UNC5D: variants seen among roughly 807,000 people sequenced by gnomAD.
UNC5D encodes the protein unc-5 netrin receptor D.
UNC5D carries 39 observed loss-of-function variants against 105.4 expected under a neutral mutation model. That is an observed-to-expected ratio of 0.37 (90% CI 0.29 to 0.48). The LOEUF (loss-of-function observed/expected upper bound fraction) is 0.48, where lower values mean the gene tolerates loss of function less well. UNC5D is among the 20% of genes least tolerant of loss of function. The pLI is 0.98. For synonymous variants in UNC5D, 452 were observed against 450.4 expected, an observed-to-expected ratio of 1.00 and a Z score of -0.04; for missense variants, 991 against 1,202.4, an observed-to-expected ratio of 0.82 and a Z score of 2.60.
intron 1 of UNC5D, among the ~76,000 whole-genome samples, chr8:35,248,992 T>G (rs372175230): frequency 1.2e-5 from 1 of 80,160 alleles, no homozygotes; most frequent in Admixed American, 2.3e-4. Flanking sequence ...TATAATATAT[T>G]ATATATAAAC....
At chr8:35,585,342 A>G (rs534678601) in intron 3 of UNC5D, among the ~76,000 whole-genome samples, 1 of 152,160 alleles carries the variant, frequency 6.6e-6, no homozygotes, top group African/African-American at 2.4e-5. Flanking sequence ...TAAGCAGAGA[A>G]TGCTCAGTGC....
intron 1 of UNC5D, among the ~76,000 whole-genome samples, chr8:35,375,235 ACT>A (rs1802631851): frequency 1.3e-5 from 2 of 152,152 alleles, no homozygotes; most frequent in South Asian, 4.1e-4. Context: ...TCTGTGTAAG[ACT>A]CTGTCTGCAG....
chr8:35,621,186 G>A (rs897565503), intron 4 of UNC5D, among the ~76,000 whole-genome samples: 1 of 152,154 alleles, frequency 6.6e-6, no homozygotes, highest in Non-Finnish European at 1.5e-5. Flanking sequence ...TCATTAAGAT[G>A]CTCTCTACAG....
intron 15 of UNC5D, among the ~76,000 whole-genome samples, chr8:35,771,720 G>A (rs7818053): frequency 0.085 from 13,008 of 152,228 alleles, 1,555 homozygotes; most frequent in African/African-American, 0.27. Flanking sequence ...CCTCCATGAA[G>A]TCTTTCCTAC....
Position 35,790,814 on chromosome 8 carries a change from T to G in UNC5D, c.*251T>G, listed in dbSNP as rs993804976. On this transcript the variant is annotated 3_prime_UTR_variant, in exon 17 of 17. Coordinates refer to ENST00000404895, the MANE Select transcript of UNC5D (RefSeq NM_080872.4). Reference sequence around the variant, plus strand: ...CACATTTGGGTTAACTCCTCAGATTTGGAGTGGCAAGGATAAAAGTGAGGG... The same window carrying G: ...CACATTTGGGTTAACTCCTCAGATTGGGAGTGGCAAGGATAAAAGTGAGGG... 1.9e-6 allele frequency: 1 copy of G among 532,580 alleles called. No homozygotes were observed. The highest frequency in any genetic ancestry group is 1.9e-5 in the African/African-American group (1 of 52,658). 33.0% of individuals were successfully genotyped at this position (532,580 alleles called of 1,614,324 possible).
chr8:35,411,433 T>C (rs550111730), intron 1 of UNC5D, among the ~76,000 whole-genome samples: 5 of 152,198 alleles, frequency 3.3e-5, no homozygotes, highest in Non-Finnish European at 7.4e-5. Context: ...GCAGCACTCT[T>C]TCCTAACCCT....
intron 1 of UNC5D, among the ~76,000 whole-genome samples, chr8:35,492,169 C>G (rs1032647547): frequency 4.6e-5 from 7 of 151,196 alleles, no homozygotes; most frequent in African/African-American, 1.7e-4. Context: ...TTTCCTTAAG[C>G]AAAGAATGAG....
At chr8:35,400,684 A>G (rs1425140161) in intron 1 of UNC5D, among the ~76,000 whole-genome samples, 1 of 152,172 alleles carries the variant, frequency 6.6e-6, no homozygotes, top group African/African-American at 2.4e-5. Context: ...AGTTGATGAA[A>G]TAAATCTTGA....
chr8:35,296,913 C>G (rs1011730937), intron 1 of UNC5D, among the ~76,000 whole-genome samples: 11 of 152,144 alleles, frequency 7.2e-5, no homozygotes, highest in African/African-American at 2.7e-4. Flanking sequence ...ACAAATAATG[C>G]CATGCCAATT....
chr8:35,726,153 T>C lies in UNC5D; in HGVS notation c.1305T>C (p.Gly435=), dbSNP rs1828850954. 6.2e-7 allele frequency: 1 copy of C among 1,604,402 alleles called. No homozygotes were observed. Among genetic ancestry groups the C allele is most frequent in the African/African-American group, 1.3e-5 (1 of 74,728 alleles). ...QTFNFKTVRQ[G]NSLLLNSAMQ... is the part of the protein sequence containing the mutation. ...GACAGATCAATTTTCTTTTACCAGGTAACTCCCTGCTCCTGAATTCTGCCA... is the reference window on the plus strand; with the variant it reads ...GACAGATCAATTTTCTTTTACCAGGCAACTCCCTGCTCCTGAATTCTGCCA... The change falls in exon 10 of 17, where the codon GGT becomes GGC. Residue 435 remains glycine (G), a splice_region_variant and synonymous_variant. Coordinates refer to ENST00000404895, the MANE Select transcript of UNC5D (RefSeq NM_080872.4).
intron 1 of UNC5D, among the ~76,000 whole-genome samples, chr8:35,474,495 A>G (rs574609792): frequency 4.3e-4 from 66 of 152,346 alleles, no homozygotes; most frequent in African/African-American, 1.4e-3. Flanking sequence ...TATACATATA[A>G]TATTATATGT....
At chr8:35,584,391 T>G (rs536809167) in intron 3 of UNC5D, among the ~76,000 whole-genome samples, 1 of 151,822 alleles carries the variant, frequency 6.6e-6, no homozygotes, top group African/African-American at 2.4e-5. Flanking sequence ...GTTTTTTGTT[T>G]GTTTGTTTTG....
Position 35,294,224 on chromosome 8 carries a change from G to A in UNC5D, c.103+58337G>A, listed in dbSNP as rs80272027. 1.1e-4 allele frequency among the ~76,000 whole-genome samples: 16 copies of A among 152,262 alleles called. No individual in the cohort carries two copies. The East Asian group carries it at 2.7e-3, about 26-fold the overall frequency. ...ATTTGCACAAAACAGCACGGTTAGC[G>A]TATGCCTCCTGCCTTAAGTCCTGGT... On this transcript the variant is annotated intron_variant, in intron 1 of 16. Coordinates refer to ENST00000404895, the MANE Select transcript of UNC5D (RefSeq NM_080872.4).
chr8:35,474,355 A>C lies in UNC5D; in HGVS notation c.104-74937A>C, dbSNP rs12675075. ...CTGTTTTTGTTTTTAATGATTTTCC[A>C]ACTTATGTAGTTACCTCAGCAGAAC... On this transcript the variant is annotated intron_variant, in intron 1 of 16. Transcript: ENST00000404895. Among the ~76,000 whole-genome samples, 74 of 152,264 alleles carry C rather than the reference A, an allele frequency of 4.9e-4. 1 individual carries two copies. The East Asian group carries it at 0.014, about 29-fold the overall frequency.
At chr8:35,702,456 G>A (rs532349447) in intron 7 of UNC5D, among the ~76,000 whole-genome samples, 1 of 152,100 alleles carries the variant, frequency 6.6e-6, no homozygotes, top group Admixed American at 6.6e-5. Flanking sequence ...ACACCACTAA[G>A]CCAACACCAC....
chr8:35,623,289 G>A (rs900020180), intron 4 of UNC5D, among the ~76,000 whole-genome samples: 3 of 152,086 alleles, frequency 2.0e-5, no homozygotes, highest in African/African-American at 4.8e-5. Context: ...ATGTTTGTTT[G>A]TTCCCCTTAT....
chr8:35,260,732 A>G (rs1804432663), intron 1 of UNC5D, among the ~76,000 whole-genome samples: 1 of 152,094 alleles, frequency 6.6e-6, no homozygotes, highest in African/African-American at 2.4e-5. Flanking sequence ...GCAAAGTGCT[A>G]GTTATGCCTA....
intron 1 of UNC5D, among the ~76,000 whole-genome samples, chr8:35,482,742 T>A (rs950715407): frequency 2.4e-4 from 36 of 149,760 alleles, no homozygotes; most frequent in Non-Finnish European, 4.1e-4. Context: ...TAAAAATGAA[T>A]AATTTGCAAG....
intron 1 of UNC5D, among the ~76,000 whole-genome samples, chr8:35,264,887 C>A (rs1250470457): frequency 6.6e-6 from 1 of 152,160 alleles, no homozygotes; most frequent in Non-Finnish European, 1.5e-5. Context: ...GCCCAGAAGG[C>A]TTGCAGAGTA....
Sources: gnomAD v4.1 joint callset for allele counts (sites outside exome capture counted in the v4.1 genomes callset) on GRCh38, gnomAD v4.1.1 for gene constraint, MANE v1.5 for transcripts, NCBI Gene and HGNC (gene_info 2026-07-23, HGNC 2026-07-21) for gene names.